LRRC53: variants seen among roughly 807,000 people sequenced by gnomAD.
LRRC53 encodes the protein leucine-rich repeat-containing protein 53.
Under a neutral mutation model 13.6 loss-of-function variants are expected in LRRC53, and 25 were observed. The ratio of observed to expected loss-of-function variants is 1.83; its 90% CI spans 1.34 to 2.56. The LOEUF (loss-of-function observed/expected upper bound fraction) is 2.56, where lower values mean the gene tolerates loss of function less well. Among genes scored for constraint, LRRC53 ranks in the 30% most tolerant of loss-of-function variants. The probability of loss-of-function intolerance (pLI) is 0.00; values close to 1 mark genes in which losing one functional copy is unlikely to be tolerated. For synonymous variants in LRRC53, 204 were observed against 109.8 expected, an observed-to-expected ratio of 1.86 and a Z score of -5.37; for missense variants, 527 against 275.8, an observed-to-expected ratio of 1.91 and a Z score of -6.45.
the LRRC53 span, among the ~76,000 whole-genome samples, chr1:74,518,594 C>A: frequency 6.6e-6 from 1 of 152,090 alleles, no homozygotes; most frequent in Non-Finnish European, 1.5e-5. Flanking sequence ...TTATGGTTCC[C>A]GTGTTTCACC....
At chr1:74,510,338 C>T (rs2100377214) in intron 1 of LRRC53, among the ~76,000 whole-genome samples, 1 of 152,172 alleles carries the variant, frequency 6.6e-6, no homozygotes, top group Middle Eastern at 3.4e-3. Context: ...AGCCCCGTCT[C>T]TACTAAAAAT....
chr1:74,492,695 A>G (rs1374263885), intron 1 of LRRC53, among the ~76,000 whole-genome samples: 1 of 152,224 alleles, frequency 6.6e-6, no homozygotes, highest in African/African-American at 2.4e-5. Flanking sequence ...GGAAATAGGT[A>G]CTTAAACAAA....
the LRRC53 span, among the ~76,000 whole-genome samples, chr1:74,534,297 C>T: frequency 2.6e-5 from 4 of 152,094 alleles, no homozygotes; most frequent in African/African-American, 9.7e-5. Flanking sequence ...TTTGCAAAAG[C>T]CACGCTCAGA....
At chr1:74,528,988 TG>T in the LRRC53 span, among the ~76,000 whole-genome samples, 1 of 152,102 alleles carries the variant, frequency 6.6e-6, no homozygotes, top group Non-Finnish European at 1.5e-5. Flanking sequence ...AGGAATACAT[TG>T]AAGGCACCCC....
chr1:74,495,569 G>A (rs910421793), intron 1 of LRRC53, among the ~76,000 whole-genome samples: 1 of 152,002 alleles, frequency 6.6e-6, no homozygotes, highest in African/African-American at 2.4e-5. Context: ...TGAACATCCT[G>A]GGCACTATTT....
chr1:74,535,372 A>T, the LRRC53 span, among the ~76,000 whole-genome samples: 1 of 152,114 alleles, frequency 6.6e-6, no homozygotes, highest in African/African-American at 2.4e-5. Flanking sequence ...TCTTATGCTG[A>T]CACACAAGAA....
rs141347625 is a variant in LRRC53, at chr1:74,503,325, G to C, written c.-27+9201C>G. ...TTATAAATTTAATAAAACCAAAAAG[G>C]GTCTTTGGCTTTCTAACTTATATTT... On this transcript the variant is annotated intron_variant, in intron 1 of 4. Coordinates refer to ENST00000294635, the MANE Select transcript of LRRC53 (RefSeq NM_001382280.1). Among the ~76,000 whole-genome samples the C allele has an allele frequency of 1.9e-4, 29 of 152,092 alleles. No homozygotes were observed. The East Asian group carries it at 3.5e-3, about 18-fold the overall frequency.
chr1:74,525,494 A>T, the LRRC53 span, among the ~76,000 whole-genome samples: 325 of 152,322 alleles, frequency 2.1e-3, 4 homozygotes, highest in South Asian at 0.023. Context: ...TGCATAGAAC[A>T]TTGAATCTGA....
At position 74,480,169 on chromosome 1, in the gene LRRC53, A is replaced by T. The variant is rs949080789; in HGVS notation, c.888T>A (p.Thr296=). Reference sequence around the variant, plus strand: ...CCGGCATACCTGCGAAGCCAAGGACAGTCAGCAGGGCCACATCTGGTCCTG... The same window carrying T: ...CCGGCATACCTGCGAAGCCAAGGACTGTCAGCAGGGCCACATCTGGTCCTG... ...LLPGPDVALL[T]VLGFAGAVGL... The change falls in exon 3 of 5, where the codon ACT becomes ACA. Residue 296 remains threonine, a synonymous_variant. Transcript: ENST00000294635. 8.4e-6 allele frequency: 6 copies of T among 716,798 alleles called. No homozygotes were observed. The highest frequency in any genetic ancestry group is 8.0e-5 in the Admixed American group (4 of 49,950). The allele number at this position is 716,798 out of a possible 1,614,324, so 44.4% of individuals were successfully genotyped here. A position where few individuals can be genotyped will look rare whatever the true frequency, so the allele number is the denominator to read the frequency against.
the LRRC53 span, among the ~76,000 whole-genome samples, chr1:74,526,037 C>T: frequency 6.6e-6 from 1 of 152,184 alleles, no homozygotes. Context: ...GTTTGGTATA[C>T]ATTCGCTTAA....
In LRRC53 at chr1:74,471,993, G is replaced by T. The variant is rs566707022; in HGVS notation, c.1629C>A (p.Ile543=). ...CEPEEHYVQK[I]VQKNRSKYDD... ...CATATTTTGATCTATTTTTTTGTACGATCTTTTGTACATAGTGTTCCTCAG... is the reference window on the plus strand; with the variant it reads ...CATATTTTGATCTATTTTTTTGTACTATCTTTTGTACATAGTGTTCCTCAG... Residue 543 remains isoleucine (I), a synonymous_variant, in exon 5 of 5, where the codon ATC becomes ATA. Coordinates refer to ENST00000294635, the MANE Select transcript of LRRC53 (RefSeq NM_001382280.1). 15 of 635,198 alleles carry T rather than the reference G, an allele frequency of 2.4e-5. No homozygotes were observed. The highest frequency in any genetic ancestry group is 1.8e-4 in the African/African-American group (10 of 54,122). The allele number at this position is 635,198 out of a possible 1,614,324, so 39.3% of individuals were successfully genotyped here.
chr1:74,505,976 A>G (rs1357829948), intron 1 of LRRC53, among the ~76,000 whole-genome samples: 1 of 152,096 alleles, frequency 6.6e-6, no homozygotes, highest in Non-Finnish European at 1.5e-5. Flanking sequence ...AGAGAAAGTA[A>G]AAAAATGAAA....
Position 74,471,061 on chromosome 1 carries a change from T to C in LRRC53, c.2561A>G (p.His854Arg). The C allele has an allele frequency of 5.0e-6, 2 of 400,700 alleles. No homozygotes were observed. Among genetic ancestry groups the C allele is most frequent in the Middle Eastern group, 6.2e-4 (2 of 3,220 alleles). The allele number at this position is 400,700 out of a possible 1,614,324, so 24.8% of individuals were successfully genotyped here. Residue 854 changes from histidine (H) to arginine (R), a missense_variant, in exon 5 of 5, where the codon CAT becomes CGT. His to Arg is a conservative substitution (Grantham distance 29). Transcript: ENST00000294635. ...TPTDAEHRHS[H>R]SQFSTEQMED... is the part of the protein sequence containing the mutation. ...CATTTGCTCAGTTGAGAATTGAGAA[T>C]GTGAGTGCCTGTGCTCAGCATCAGT...
chr1:74,480,377 C>G lies in LRRC53; in HGVS notation c.680G>C (p.Arg227Pro). The G allele has an allele frequency of 1.4e-6, 1 of 717,588 alleles. No individual in the cohort carries two copies. Among genetic ancestry groups the G allele is most frequent in the South Asian group, 1.5e-5 (1 of 67,594 alleles). The allele number at this position is 717,588 out of a possible 1,614,324, so 44.5% of individuals were successfully genotyped here. A position where few individuals can be genotyped will look rare whatever the true frequency, so the allele number is the denominator to read the frequency against. ...SCTCDLHPLA[R>P]FLRNYIKSSA... ...AGACTTAATGTAGTTTCTTAAAAACCGAGCAAGGGGATGGAGATCACAAGT... is the reference window on the plus strand; with the variant it reads ...AGACTTAATGTAGTTTCTTAAAAACGGAGCAAGGGGATGGAGATCACAAGT... Residue 227 changes from arginine to proline, a missense_variant, in exon 3 of 5, where the codon CGG (arginine) becomes CCG (proline). Physicochemically the swap from Arg to Pro is moderately radical, Grantham distance 103. Coordinates refer to ENST00000294635, the MANE Select transcript of LRRC53 (RefSeq NM_001382280.1).
the LRRC53 span, among the ~76,000 whole-genome samples, chr1:74,521,498 TTATG>T: frequency 1.3e-5 from 2 of 151,862 alleles, no homozygotes; most frequent in Admixed American, 1.3e-4. Context: ...TGTAAACGCA[TTATG>T]TATGTGTGTA....
At chr1:74,503,637 C>T (rs912796764) in intron 1 of LRRC53, among the ~76,000 whole-genome samples, 4 of 152,092 alleles carry the variant, frequency 2.6e-5, no homozygotes, top group East Asian at 1.9e-4. Flanking sequence ...ATGACATGCA[C>T]TTCCTGAACG....
In LRRC53 at chr1:74,474,360, A is replaced by G. The variant is rs557606055; in HGVS notation, c.1420+935T>C. Among the ~76,000 whole-genome samples the G allele has an allele frequency of 2.5e-4, 38 of 152,232 alleles. No homozygotes were observed. In the South Asian group the frequency reaches 7.5e-3, roughly 30 times the overall value. The stretch of plus-strand genomic sequence containing the variant: ...TGTGTGAAATCATCAACCCCCAGAC[A>G]CTGGTAAGAACTGGAGTGTGGGAAT... On this transcript the variant is annotated intron_variant, in intron 4 of 4. Transcript: ENST00000294635.
chr1:74,525,917 G>C, the LRRC53 span, among the ~76,000 whole-genome samples: 1 of 152,138 alleles, frequency 6.6e-6, no homozygotes, highest in African/African-American at 2.4e-5. Context: ...TGAGAGCAAG[G>C]CACCCCAGCT....
At chr1:74,517,833 T>C in the LRRC53 span, among the ~76,000 whole-genome samples, 2 of 152,190 alleles carry the variant, frequency 1.3e-5, no homozygotes, top group African/African-American at 4.8e-5. Context: ...CAAAAACTGC[T>C]GGGCCCACTA....
Sources: allele counts gnomAD v4.1 joint callset (sites outside exome capture counted in the v4.1 genomes callset), GRCh38; gene constraint gnomAD v4.1.1; transcripts MANE v1.5; gene names NCBI Gene and HGNC (gene_info 2026-07-23, HGNC 2026-07-21).